CSMD1: variants seen among roughly 807,000 people sequenced by gnomAD.
The protein encoded by CSMD1 is CUB and sushi domain-containing protein 1.
Under a neutral mutation model 417.5 loss-of-function variants are expected in CSMD1, and 213 were observed. The ratio of observed to expected loss-of-function variants is 0.51; its 90% CI spans 0.46 to 0.57. The LOEUF is 0.57. Ranked by LOEUF, CSMD1 falls within the 20% of genes least tolerant of loss-of-function variation. CSMD1 has a pLI of 0.00. For missense variants in CSMD1, 6,923 were observed against 4,529.7 expected (o/e 1.53, Z -15.17); for synonymous variants, 2,862 against 1,736.8 (o/e 1.65, Z -16.11).
intron 1 of CSMD1, among the ~76,000 whole-genome samples, chr8:4,888,948 T>C (rs147970957): frequency 1.3e-5 from 2 of 152,214 alleles, no homozygotes; most frequent in Admixed American, 6.5e-5. Flanking sequence ...AGGGAAAATC[T>C]TTACTTACAA....
chr8:3,083,610 T>A (rs4996880), intron 49 of CSMD1, among the ~76,000 whole-genome samples: 5,852 of 30,386 alleles, frequency 0.19, 1,087 homozygotes, highest in Middle Eastern at 0.21. Context: ...ACCATAATTT[T>A]TATATATATA....
intron 1 of CSMD1, among the ~76,000 whole-genome samples, chr8:4,937,619 A>T (rs769252236): frequency 4.6e-5 from 7 of 152,238 alleles, no homozygotes; most frequent in Admixed American, 2.0e-4. Context: ...GCAGTGTCAG[A>T]GTATCTGACG....
intron 3 of CSMD1, among the ~76,000 whole-genome samples, chr8:4,337,562 A>C (rs752944381): frequency 6.6e-6 from 1 of 152,186 alleles, no homozygotes; most frequent in African/African-American, 2.4e-5. Context: ...GATGAAGTAC[A>C]TGTGAGGCAT....
In CSMD1 at chr8:3,018,583, C is replaced by A; in HGVS notation, c.7923G>T (p.Gly2641=). The stretch of plus-strand genomic sequence containing the variant: ...TGTTGCACGTAAATATAGCTGTGGC[C>A]CCATAAACTGTCAACGTTCCAATCT... ...GNKIGTLTVY[G]ATAIFTCNTG... is the part of the protein sequence containing the mutation. The change falls in exon 52 of 70, where the codon GGG becomes GGT. Residue 2641 remains glycine (G), a synonymous_variant. Coordinates refer to ENST00000635120, the MANE Select transcript of CSMD1 (RefSeq NM_033225.6). 6.2e-7 allele frequency: 1 copy of A among 1,613,320 alleles called. No homozygotes were observed. The highest frequency in any genetic ancestry group is 8.5e-7 in the Non-Finnish European group (1 of 1,179,728).
chr8:3,571,942 T>C (rs1368498050), intron 10 of CSMD1, among the ~76,000 whole-genome samples: 2 of 152,152 alleles, frequency 1.3e-5, no homozygotes, highest in African/African-American at 4.8e-5. Context: ...TTACTGCGTG[T>C]TCAAGTTCGT....
rs193281317 is a variant in CSMD1, at chr8:3,074,161, C to T, written c.7474+12936G>A. Among the ~76,000 whole-genome samples, 7 of 152,320 alleles carry T rather than the reference C, an allele frequency of 4.6e-5. No individual in the cohort carries two copies. In the South Asian group the frequency reaches 6.2e-4, roughly 14 times the overall value. On this transcript the variant is annotated intron_variant, in intron 49 of 69. Coordinates refer to ENST00000635120, the MANE Select transcript of CSMD1 (RefSeq NM_033225.6). ...TTCCTGACTGGCTGTGGGCTCTCAG[C>T]GTCCAGAGGCCCTGTGTTCCATGTT... is the stretch of plus-strand genomic sequence containing the variant.
At chr8:3,630,104 A>G (rs947461843) in intron 7 of CSMD1, among the ~76,000 whole-genome samples, 1 of 152,242 alleles carries the variant, frequency 6.6e-6, no homozygotes, top group African/African-American at 2.4e-5. Flanking sequence ...GAGAAATAGA[A>G]AGTTAATTGT....
intron 26 of CSMD1, among the ~76,000 whole-genome samples, chr8:3,259,572 G>C (rs1563196540): frequency 6.6e-6 from 1 of 152,176 alleles, no homozygotes; most frequent in African/African-American, 2.4e-5. Flanking sequence ...CCATTACAAT[G>C]ATTAGTTGTT....
chr8:4,584,894 G>C (rs1799622816), intron 2 of CSMD1, among the ~76,000 whole-genome samples: 1 of 152,206 alleles, frequency 6.6e-6, no homozygotes, highest in African/African-American at 2.4e-5. Context: ...GCATTGGATT[G>C]GATTAAGCAG....
chr8:4,522,975 C>G (rs545279940), intron 2 of CSMD1, among the ~76,000 whole-genome samples: 1 of 152,124 alleles, frequency 6.6e-6, no homozygotes, highest in African/African-American at 2.4e-5. Flanking sequence ...AAGTTAAGAA[C>G]ATGTTCAAAG....
chr8:4,428,611 A>T (rs1391330583), intron 2 of CSMD1, among the ~76,000 whole-genome samples: 3 of 152,218 alleles, frequency 2.0e-5, no homozygotes, highest in Non-Finnish European at 1.5e-5. Flanking sequence ...AGATGTGCTC[A>T]AGTTCCTTTA....
At chr8:4,313,155 T>C (rs1057389450) in intron 3 of CSMD1, among the ~76,000 whole-genome samples, 2 of 152,188 alleles carry the variant, frequency 1.3e-5, no homozygotes, top group Non-Finnish European at 2.9e-5. Context: ...GGAACTGGTC[T>C]TTAATTTCTA....
chr8:4,809,010 T>C (rs546783479), intron 1 of CSMD1, among the ~76,000 whole-genome samples: 6 of 152,358 alleles, frequency 3.9e-5, no homozygotes, highest in South Asian at 4.1e-4. Flanking sequence ...CTTGATCTTA[T>C]TGAGTTGTCT....
intron 7 of CSMD1, among the ~76,000 whole-genome samples, chr8:3,631,456 G>A (rs548202915): frequency 2.6e-5 from 4 of 152,314 alleles, no homozygotes; most frequent in African/African-American, 9.6e-5. Context: ...GTCAAGAATA[G>A]GCAGATAAAA....
intron 5 of CSMD1, among the ~76,000 whole-genome samples, chr8:3,897,862 T>C (rs1807468318): frequency 6.6e-6 from 1 of 152,186 alleles, no homozygotes; most frequent in Non-Finnish European, 1.5e-5. Context: ...TGCTGCTTCT[T>C]ATAGCCTATG....
chr8:4,254,625 G>T (rs1803321339), intron 3 of CSMD1, among the ~76,000 whole-genome samples: 1 of 152,076 alleles, frequency 6.6e-6, no homozygotes, highest in South Asian at 2.1e-4. Context: ...CAACTTCCAG[G>T]CCTGCAAGAT....
chr8:2,971,406 C>T (rs974068772), intron 57 of CSMD1, among the ~76,000 whole-genome samples: 1 of 152,110 alleles, frequency 6.6e-6, no homozygotes, highest in Non-Finnish European at 1.5e-5. Context: ...GACGTTTCTT[C>T]GTGAACACGG....
At chr8:4,746,696 T>A (rs1810976403) in intron 1 of CSMD1, among the ~76,000 whole-genome samples, 1 of 152,208 alleles carries the variant, frequency 6.6e-6, no homozygotes, top group East Asian at 1.9e-4. Context: ...GAGCACATAC[T>A]CTGAGCTGCT....
At chr8:3,404,771 A>T (rs1167127772) in intron 15 of CSMD1, among the ~76,000 whole-genome samples, 1 of 139,430 alleles carries the variant, frequency 7.2e-6, no homozygotes, top group African/African-American at 2.5e-5. Flanking sequence ...TTTATGACAC[A>T]TGTGCCTGCA....
Sources: gnomAD v4.1 joint callset for allele counts (sites outside exome capture counted in the v4.1 genomes callset) on GRCh38, gnomAD v4.1.1 for gene constraint, MANE v1.5 for transcripts, NCBI Gene and HGNC (gene_info 2026-07-23, HGNC 2026-07-21) for gene names.